FXYD6: variants seen among roughly 807,000 people sequenced by gnomAD.
FXYD6 encodes FXYD domain containing ion transport regulator 6.
A neutral mutation model predicts 16.7 loss-of-function variants in FXYD6; 7 were observed. The observed-to-expected ratio is 0.42, with a 90% CI of 0.24 to 0.79. The LOEUF (loss-of-function observed/expected upper bound fraction) is 0.79, where lower values mean the gene tolerates loss of function less well. Ranked by LOEUF, FXYD6 falls within the 30% of genes least tolerant of loss-of-function variation. FXYD6 has a pLI of 0.28. For synonymous variants in FXYD6, 49 were observed against 43.0 expected (o/e 1.14, Z -0.54); for missense variants, 111 against 116.2 (o/e 0.95, Z 0.21).
At chr11:117,867,736 G>A (rs879303603) in intron 1 of FXYD6, among the ~76,000 whole-genome samples, 18 of 152,026 alleles carry the variant, frequency 1.2e-4, no homozygotes, top group Non-Finnish European at 2.4e-4. Context: ...CTAACTGCGT[G>A]CCTTTGTATA....
intron 4 of FXYD6, 74 bp downstream of exon 4, chr11:117,841,717 C>T (rs1260968488): frequency 4.5e-6 from 7 of 1,567,638 alleles, no homozygotes; most frequent in Non-Finnish European, 1.8e-6. Flanking sequence ...ACCAACCAGG[C>T]TCTCACACTG....
intron 1 of FXYD6, among the ~76,000 whole-genome samples, chr11:117,851,749 G>A (rs374681724): frequency 1.3e-5 from 2 of 152,212 alleles, no homozygotes; most frequent in Admixed American, 6.5e-5. Context: ...CTGTTTATTT[G>A]GAAATGTTTT....
intron 4 of FXYD6, 68 bp from the exon 5 acceptor site, chr11:117,841,252 C>T: frequency 1.2e-6 from 2 of 1,609,686 alleles, no homozygotes; most frequent in Non-Finnish European, 1.7e-6. Context: ...AGGGTCTGTG[C>T]AGGTTGTGGG....
chr11:117,873,928 C>A (rs2057196221), intron 1 of FXYD6, among the ~76,000 whole-genome samples: 1 of 152,168 alleles, frequency 6.6e-6, no homozygotes, highest in Non-Finnish European at 1.5e-5. Context: ...GTCCCAGTCA[C>A]CAGCCGACCA....
At chr11:117,859,370 G>T (rs540682283) in intron 1 of FXYD6, among the ~76,000 whole-genome samples, 1 of 152,234 alleles carries the variant, frequency 6.6e-6, no homozygotes, top group African/African-American at 2.4e-5. Flanking sequence ...GAACCAGAAG[G>T]CTGGACACAG....
At chr11:117,838,425 G>T in intron 7 of FXYD6, 148 bp from the exon 8 acceptor site, 1 of 656,912 alleles carries the variant, frequency 1.5e-6, no homozygotes, top group Non-Finnish European at 2.8e-6. Flanking sequence ...AAAGACACAG[G>T]GGAGGGGTGA....
intron 1 of FXYD6, among the ~76,000 whole-genome samples, chr11:117,868,175 C>T (rs1252965462): frequency 1.3e-5 from 2 of 152,124 alleles, no homozygotes; most frequent in Admixed American, 1.3e-4. Flanking sequence ...TCTGTCCTCA[C>T]CTGGGATGGT....
intron 1 of FXYD6, among the ~76,000 whole-genome samples, chr11:117,871,234 GGTAATAAAGGGAT>G (rs1159582639): frequency 6.6e-6 from 1 of 152,156 alleles, no homozygotes; most frequent in Non-Finnish European, 1.5e-5. Context: ...GGTGACGCAC[GGTAATAAAGGGAT>G]GTGCATCTTG....
In FXYD6 at chr11:117,842,905, G is replaced by A; in HGVS notation, c.-5-124C>T. Reference sequence around the variant, plus strand: ...CTTTGCTCTGCACTCATGACTTGGTGAGGGTTCAAACAACCTAAGCACAAG... The same window carrying A: ...CTTTGCTCTGCACTCATGACTTGGTAAGGGTTCAAACAACCTAAGCACAAG... On this transcript the variant is annotated intron_variant, in intron 1 of 7. Coordinates refer to ENST00000526014, the MANE Select transcript of FXYD6 (RefSeq NM_022003.4). The A allele has an allele frequency of 4.0e-6, 4 of 997,254 alleles. No homozygotes were observed. The South Asian group carries it at 4.5e-5, about 11-fold the overall frequency. 61.8% of individuals were successfully genotyped at this position (997,254 alleles called of 1,614,324 possible).
At chr11:117,862,555 G>A (rs1247413419) in intron 1 of FXYD6, among the ~76,000 whole-genome samples, 2 of 152,136 alleles carry the variant, frequency 1.3e-5, no homozygotes, top group Non-Finnish European at 2.9e-5. Context: ...CAGGAGCTGC[G>A]GCTATCCCAG....
At chr11:117,860,595 G>A (rs1397486484) in intron 1 of FXYD6, among the ~76,000 whole-genome samples, 3 of 152,196 alleles carry the variant, frequency 2.0e-5, no homozygotes, top group Non-Finnish European at 2.9e-5. Context: ...AACAGGCTAC[G>A]GAACCCTGAA....
chr11:117,860,032 G>A (rs1032711484), intron 1 of FXYD6, among the ~76,000 whole-genome samples: 36 of 152,146 alleles, frequency 2.4e-4, no homozygotes, highest in African/African-American at 8.2e-4. Flanking sequence ...TTTTGTTATC[G>A]TCAAAAGCAT....
At chr11:117,840,429 C>A (rs767958686) in intron 5 of FXYD6, 61 bp from the exon 6 acceptor site, 2 of 1,610,074 alleles carry the variant, frequency 1.2e-6, no homozygotes, top group East Asian at 2.2e-5. Flanking sequence ...CAGAGAGCAT[C>A]GTTCTGCTCC....
intron 1 of FXYD6, among the ~76,000 whole-genome samples, chr11:117,856,747 C>T (rs529994060): frequency 1.3e-5 from 2 of 152,290 alleles, no homozygotes; most frequent in South Asian, 4.2e-4. Flanking sequence ...TGAGGTCTAC[C>T]AGATGGAGTT....
At chr11:117,846,448 A>G (rs2056471545) in intron 1 of FXYD6, among the ~76,000 whole-genome samples, 1 of 152,220 alleles carries the variant, frequency 6.6e-6, no homozygotes, top group African/African-American at 2.4e-5. Flanking sequence ...GTCTTAAGAC[A>G]TCCTTTGTCA....
chr11:117,840,461 C>T lies in FXYD6; in HGVS notation c.210-93G>A, dbSNP rs549725282. 15 of 1,550,454 alleles carry T rather than the reference C, an allele frequency of 9.7e-6. No individual in the cohort carries two copies. In the African/African-American group the frequency reaches 1.5e-4, roughly 15 times the overall value. On this transcript the variant is annotated intron_variant, in intron 5 of 7. Coordinates refer to ENST00000526014, the MANE Select transcript of FXYD6 (RefSeq NM_022003.4). ...CTCCTCACTGGGGCACAGCTGCCTG[C>T]AGTCAGGCTCCTCCCAGTGCCCTGA...
chr11:117,853,472 T>C (rs1199586528), intron 1 of FXYD6, among the ~76,000 whole-genome samples: 2 of 152,180 alleles, frequency 1.3e-5, no homozygotes, highest in Admixed American at 1.3e-4. Context: ...CTGGCTAAGC[T>C]TCACATACTC....
intron 1 of FXYD6, among the ~76,000 whole-genome samples, chr11:117,849,379 C>A (rs2056550604): frequency 6.6e-6 from 1 of 152,150 alleles, no homozygotes; most frequent in African/African-American, 2.4e-5. Flanking sequence ...TGTACAGATG[C>A]CTTGAAACGT....
chr11:117,873,970 C>T (rs961896941), intron 1 of FXYD6, among the ~76,000 whole-genome samples: 1 of 152,142 alleles, frequency 6.6e-6, no homozygotes, highest in Non-Finnish European at 1.5e-5. Context: ...TCCATCAACC[C>T]ACCATCTCTG....
Sources: allele counts gnomAD v4.1 joint callset (sites outside exome capture counted in the v4.1 genomes callset), GRCh38; gene constraint gnomAD v4.1.1; transcripts MANE v1.5; gene names NCBI Gene and HGNC (gene_info 2026-07-23, HGNC 2026-07-21).